BASP1: variants seen among roughly 807,000 people sequenced by gnomAD.
The protein encoded by BASP1 is brain abundant membrane attached signal protein 1.
A neutral mutation model predicts 2.2 loss-of-function variants in BASP1; 1 was observed. The observed-to-expected ratio is 0.46, with a 90% CI of 0.16 to 2.17. The LOEUF is 2.17. BASP1 is among the 30% of genes most tolerant of loss of function. The probability of loss-of-function intolerance (pLI) is 0.27; values close to 1 mark genes in which losing one functional copy is unlikely to be tolerated. For synonymous variants in BASP1, 187 were observed against 154.2 expected, an observed-to-expected ratio of 1.21 and a Z score of -1.58; for missense variants, 352 against 327.2, an observed-to-expected ratio of 1.08 and a Z score of -0.58.
At chr5:17,229,539 C>T (rs1739578132) in intron 1 of BASP1, among the ~76,000 whole-genome samples, 1 of 152,006 alleles carries the variant, frequency 6.6e-6, no homozygotes, top group South Asian at 2.1e-4. Flanking sequence ...TTTCTGAGCC[C>T]CTCTGTTCCC....
At chr5:17,269,365 G>A (rs1579503271) in intron 1 of BASP1, among the ~76,000 whole-genome samples, 2 of 152,156 alleles carry the variant, frequency 1.3e-5, no homozygotes, top group African/African-American at 2.4e-5. Context: ...TGTATTCCAC[G>A]GATGCAAACA....
rs1395951896 is a variant in BASP1, at chr5:17,275,305, C to T, written c.89C>T (p.Ala30Val). Reference sequence around the variant, plus strand: ...AAAGACAAGAAGGCCGAGGGCGCGGCGACGGAAGAGGAGGGGACCCCGAAG... The same window carrying T: ...AAAGACAAGAAGGCCGAGGGCGCGGTGACGGAAGAGGAGGGGACCCCGAAG... Reference protein sequence around the residue: ...KEKDKKAEGAATEEEGTPKES... With the variant: ...KEKDKKAEGAVTEEEGTPKES... The change falls in exon 2 of 2, where the codon GCG becomes GTG. Residue 30 changes from alanine (A) to valine (V), a missense_variant. Physicochemically the swap from Ala to Val is moderately conservative, Grantham distance 64 (BLOSUM62 0). Coordinates refer to ENST00000322611, the MANE Select transcript of BASP1 (RefSeq NM_006317.5). The surrounding 1 kb of genome is among the most constrained non-coding windows in gnomAD (Gnocchi z 5.3). 1.2e-6 allele frequency: 2 copies of T among 1,613,792 alleles called. No homozygotes were observed. The highest frequency in any genetic ancestry group is 1.7e-4 in the Middle Eastern group (1 of 6,024).
At chr5:17,261,193 T>TACACAA (rs1740309401) in intron 1 of BASP1, among the ~76,000 whole-genome samples, 1 of 152,236 alleles carries the variant, frequency 6.6e-6, no homozygotes, top group Non-Finnish European at 1.5e-5. Context: ...ATGTAGGGAA[T>TACACAA]ACACATGTGG....
chr5:17,233,647 A>G (rs1739680604), intron 1 of BASP1, among the ~76,000 whole-genome samples: 1 of 152,168 alleles, frequency 6.6e-6, no homozygotes, highest in Admixed American at 6.5e-5. Flanking sequence ...TGGGTTGTGT[A>G]CTTAGCTGGA....
At chr5:17,262,896 G>A (rs1305259247) in intron 1 of BASP1, among the ~76,000 whole-genome samples, 1 of 151,540 alleles carries the variant, frequency 6.6e-6, no homozygotes, top group African/African-American at 2.4e-5. Flanking sequence ...GCCCAGGCTG[G>A]AGTGCAGTGG....
Position 17,253,395 on chromosome 5 carries a change from A to G in BASP1, c.-9-21813A>G, listed in dbSNP as rs117631782. Among the ~76,000 whole-genome samples, 233 of 152,172 alleles carry G rather than the reference A, an allele frequency of 1.5e-3. 4 individuals carry two copies. The East Asian group carries it at 0.041, about 27-fold the overall frequency. On this transcript the variant is annotated intron_variant, in intron 1 of 1. Transcript: ENST00000322611. ...CCAGCTAATTCTTTGTATTTTTTGC[A>G]GAGATGGGGGTCTCACTATGTTTCC...
chr5:17,226,086 G>T (rs1739496810), intron 1 of BASP1, among the ~76,000 whole-genome samples: 1 of 152,126 alleles, frequency 6.6e-6, no homozygotes, highest in Non-Finnish European at 1.5e-5. Flanking sequence ...GACATATTGA[G>T]GTCAATAAGA....
chr5:17,249,644 G>T (rs919252418), intron 1 of BASP1, among the ~76,000 whole-genome samples: 12 of 152,160 alleles, frequency 7.9e-5, no homozygotes, highest in African/African-American at 2.9e-4. Context: ...ATACAAAAAA[G>T]ACCTCTAGAT....
Position 17,236,273 on chromosome 5 carries a change from T to G in BASP1, c.-10+18463T>G, listed in dbSNP as rs1177024693. ...TTATCCAGAGAGCGAGTTTCTTTTCTTTTTTTTGGGATGGAGTTTCACTCT... is the reference window on the plus strand; with the variant it reads ...TTATCCAGAGAGCGAGTTTCTTTTCGTTTTTTTGGGATGGAGTTTCACTCT... On this transcript the variant is annotated intron_variant, in intron 1 of 1. Coordinates refer to ENST00000322611, the MANE Select transcript of BASP1 (RefSeq NM_006317.5). This position sits in a 1 kb window ranked among gnomAD's most constrained non-coding sequence, Gnocchi z 4.0. Among the ~76,000 whole-genome samples the G allele has an allele frequency of 6.6e-6, 1 of 151,968 alleles. No individual in the cohort carries two copies. Among genetic ancestry groups the G allele is most frequent in the African/African-American group, 2.4e-5 (1 of 41,376 alleles).
Position 17,275,122 on chromosome 5 carries a change from C to T in BASP1, c.-9-86C>T, listed in dbSNP as rs1005322336. On this transcript the variant is annotated intron_variant, in intron 1 of 1. Transcript: ENST00000322611. The surrounding 1 kb of genome is among the most constrained non-coding windows in gnomAD (Gnocchi z 5.3). ...GGTGTGCAGTGCAGCAGGCCCAGAA[C>T]CCCTTGCTTTGCAAAATGCAGCTTT... is the stretch of plus-strand genomic sequence containing the variant. 7.6e-7 allele frequency: 1 copy of T among 1,321,196 alleles called. No homozygotes were observed. Among genetic ancestry groups the T allele is most frequent in the Admixed American group, 1.9e-5 (1 of 51,406 alleles). The allele number at this position is 1,321,196 out of a possible 1,614,324, so 81.8% of individuals were successfully genotyped here. A position where few individuals can be genotyped will look rare whatever the true frequency, so the allele number is the denominator to read the frequency against.
intron 1 of BASP1, among the ~76,000 whole-genome samples, chr5:17,229,585 CAGG>C (rs947321864): frequency 4.6e-5 from 7 of 152,104 alleles, no homozygotes; most frequent in African/African-American, 1.7e-4. Flanking sequence ...AAGCCCAGAG[CAGG>C]AGAAGAGGAA....
chr5:17,242,651 AG>A (rs370823926), intron 1 of BASP1, among the ~76,000 whole-genome samples: 7 of 152,116 alleles, frequency 4.6e-5, no homozygotes, highest in African/African-American at 1.7e-4. Flanking sequence ...TTTTAATTTA[AG>A]GGGGATTAAA....
At chr5:17,227,554 C>T (rs1381303933) in intron 1 of BASP1, among the ~76,000 whole-genome samples, 6 of 152,102 alleles carry the variant, frequency 3.9e-5, no homozygotes, top group African/African-American at 1.4e-4. Context: ...GGTGCCGCCA[C>T]TATGCCCGGC....
intron 1 of BASP1, among the ~76,000 whole-genome samples, chr5:17,245,225 C>T (rs1047327211): frequency 1.7e-4 from 25 of 149,462 alleles, no homozygotes; most frequent in South Asian, 2.1e-4. Flanking sequence ...TTGCTTGCAG[C>T]TGGGAGATGG....
intron 1 of BASP1, among the ~76,000 whole-genome samples, chr5:17,265,363 A>G (rs1164994361): frequency 6.6e-6 from 1 of 152,252 alleles, no homozygotes; most frequent in Non-Finnish European, 1.5e-5. Context: ...TGCTACTGAA[A>G]TGAAGGTTCA....
At chr5:17,226,475 T>C (rs1193221512) in intron 1 of BASP1, among the ~76,000 whole-genome samples, 1 of 152,120 alleles carries the variant, frequency 6.6e-6, no homozygotes, top group African/African-American at 2.4e-5. Flanking sequence ...CAAGATCTAA[T>C]GGGGGAAATA....
intron 1 of BASP1, among the ~76,000 whole-genome samples, chr5:17,231,478 C>T (rs532099493): frequency 5.9e-5 from 9 of 152,114 alleles, no homozygotes; most frequent in African/African-American, 1.9e-4. Flanking sequence ...AATAAAACAC[C>T]GGCTCTCAGC....
chr5:17,246,305 C>T (rs2126504165), intron 1 of BASP1, among the ~76,000 whole-genome samples: 1 of 151,832 alleles, frequency 6.6e-6, no homozygotes, highest in African/African-American at 2.4e-5. Flanking sequence ...CATGGTGAAA[C>T]CCTGTCTCTA....
At chr5:17,241,647 T>C (rs752715294) in intron 1 of BASP1, among the ~76,000 whole-genome samples, 3 of 152,248 alleles carry the variant, frequency 2.0e-5, no homozygotes, top group Admixed American at 6.5e-5. Context: ...GTATATTTGC[T>C]GCATTTGCTG....
Sources: allele counts gnomAD v4.1 joint callset (sites outside exome capture counted in the v4.1 genomes callset), GRCh38; gene constraint gnomAD v4.1.1; non-coding constraint Gnocchi (gnomAD v3.1); transcripts MANE v1.5; gene names NCBI Gene and HGNC (gene_info 2026-07-23, HGNC 2026-07-21).